The following ITGA9 variants were observed in gnomAD, a reference collection of about 807,000 sequenced individuals.
ITGA9 encodes the protein integrin alpha-9.
Under a neutral mutation model 127.8 loss-of-function variants are expected in ITGA9, and 56 were observed. The observed-to-expected ratio is 0.44, with a 90% CI of 0.35 to 0.55. The LOEUF (loss-of-function observed/expected upper bound fraction) is 0.55, where lower values mean the gene tolerates loss of function less well. ITGA9 is among the 20% of genes least tolerant of loss of function. ITGA9 has a pLI of 0.00. For missense variants in ITGA9, 1,196 were observed against 1,347.1 expected (o/e 0.89, Z 1.76); for synonymous variants, 508 against 514.5 (o/e 0.99, Z 0.17).
At chr3:37,594,996 A>G (rs1015773265) in intron 15 of ITGA9, among the ~76,000 whole-genome samples, 1 of 152,136 alleles carries the variant, frequency 6.6e-6, no homozygotes, top group Admixed American at 6.5e-5. Context: ...GTGAGTAGAA[A>G]CCAGAGTGGT....
intron 1 of ITGA9, among the ~76,000 whole-genome samples, chr3:37,460,361 A>G (rs1698303263): frequency 6.6e-6 from 1 of 152,248 alleles, no homozygotes; most frequent in South Asian, 2.1e-4. Flanking sequence ...AGTAAGAATG[A>G]GTAAGAACTA....
Position 37,503,114 on chromosome 3 carries a change from AT to A in ITGA9, c.613-62del, listed in dbSNP as rs1160580267. The A allele has an allele frequency of 1.2e-4, 197 of 1,592,646 alleles. 1 individual carries two copies. In the African/African-American group the frequency reaches 2.3e-3, roughly 19 times the overall value. ...CTCCTTTGTTGTGACTGTGGTTCTCATTGCATTCCCCTCCTCCCCTCCTCAC... is the reference window on the plus strand; with the variant it reads ...CTCCTTTGTTGTGACTGTGGTTCTCATGCATTCCCCTCCTCCCCTCCTCAC... On this transcript the variant is annotated intron_variant, in intron 5 of 27. Transcript: ENST00000264741.
chr3:37,752,567 A>G (rs1575221851), intron 23 of ITGA9, among the ~76,000 whole-genome samples: 1 of 152,176 alleles, frequency 6.6e-6, no homozygotes, highest in Non-Finnish European at 1.5e-5. Context: ...CCTCTCTAAC[A>G]GTGCCCTTGG....
At chr3:37,696,451 A>G (rs573391876) in intron 18 of ITGA9, among the ~76,000 whole-genome samples, 6 of 152,234 alleles carry the variant, frequency 3.9e-5, no homozygotes, top group Admixed American at 3.3e-4. Flanking sequence ...AGCCATTTCA[A>G]CGATGTTGTC....
At chr3:37,461,569 GT>G (rs1225156002) in intron 1 of ITGA9, among the ~76,000 whole-genome samples, 1 of 152,094 alleles carries the variant, frequency 6.6e-6, no homozygotes, top group Non-Finnish European at 1.5e-5. Context: ...GAGATGCTGA[GT>G]TTTCTTTCAG....
intron 21 of ITGA9, among the ~76,000 whole-genome samples, chr3:37,742,452 G>A (rs1198250205): frequency 1.3e-5 from 2 of 152,222 alleles, no homozygotes; most frequent in African/African-American, 4.8e-5. Context: ...ACCCTGGGCT[G>A]CAGTCTGTGG....
chr3:37,653,001 A>C (rs963024385), intron 16 of ITGA9, among the ~76,000 whole-genome samples: 2 of 152,220 alleles, frequency 1.3e-5, no homozygotes, highest in African/African-American at 4.8e-5. Flanking sequence ...AGGCCCAGGC[A>C]CAGCCAGCAA....
At chr3:37,608,212 A>G (rs1468983949) in intron 15 of ITGA9, among the ~76,000 whole-genome samples, 3 of 152,226 alleles carry the variant, frequency 2.0e-5, no homozygotes, top group Admixed American at 2.0e-4. Flanking sequence ...GTTAGGGAAG[A>G]TAGTGACTTA....
At chr3:37,553,658 A>T (rs1362608924) in intron 15 of ITGA9, among the ~76,000 whole-genome samples, 1 of 152,212 alleles carries the variant, frequency 6.6e-6, no homozygotes, top group African/African-American at 2.4e-5. Flanking sequence ...GAGAGAGGTG[A>T]TTATGAAAGT....
chr3:37,762,292 A>G (rs1319223184), intron 23 of ITGA9, among the ~76,000 whole-genome samples: 1 of 152,250 alleles, frequency 6.6e-6, no homozygotes, highest in Non-Finnish European at 1.5e-5. Flanking sequence ...AGATTTATTT[A>G]ACTTGTATAC....
chr3:37,778,565 C>T (rs958950642), intron 24 of ITGA9, among the ~76,000 whole-genome samples: 3 of 151,738 alleles, frequency 2.0e-5, no homozygotes, highest in Non-Finnish European at 4.4e-5. Flanking sequence ...TTGCAGTGAG[C>T]CAAGATCGTG....
chr3:37,767,675 A>G (rs1189767018), intron 23 of ITGA9, among the ~76,000 whole-genome samples: 1 of 152,188 alleles, frequency 6.6e-6, no homozygotes, highest in East Asian at 1.9e-4. Flanking sequence ...TGTTGTTGTG[A>G]TCATCAGACT....
In ITGA9 at chr3:37,819,146, C is replaced by A; in HGVS notation, c.*157C>A. On this transcript the variant is annotated 3_prime_UTR_variant, in exon 28 of 28. Coordinates refer to ENST00000264741, the MANE Select transcript of ITGA9 (RefSeq NM_002207.3). ...ATCAAGCCCAGGTGCCAGCCTGAGGCAGCCACTTCGGCCAGGTCACACGAC... is the reference window on the plus strand; with the variant it reads ...ATCAAGCCCAGGTGCCAGCCTGAGGAAGCCACTTCGGCCAGGTCACACGAC... The A allele has an allele frequency of 2.9e-6, 2 of 686,560 alleles. No homozygotes were observed. The highest frequency in any genetic ancestry group is 2.2e-5 in the Admixed American group (1 of 45,364). 42.5% of individuals were successfully genotyped at this position (686,560 alleles called of 1,614,324 possible).
At position 37,600,631 on chromosome 3, in the gene ITGA9, G is replaced by A. The variant is rs537819707; in HGVS notation, c.1690-28556G>A. On this transcript the variant is annotated intron_variant, in intron 15 of 27. Transcript: ENST00000264741. ...GACACTGTCACCTCCATCTCAAGAAGCCCTTACGGATGCCTCCCTTCCCTT... is the reference window on the plus strand; with the variant it reads ...GACACTGTCACCTCCATCTCAAGAAACCCTTACGGATGCCTCCCTTCCCTT... 1.2e-3 allele frequency among the ~76,000 whole-genome samples: 187 copies of A among 152,266 alleles called. 3 individuals are homozygous for A. The highest frequency in any genetic ancestry group is 4.1e-3 in the African/African-American group (170 of 41,550).
intron 15 of ITGA9, among the ~76,000 whole-genome samples, chr3:37,601,858 G>A (rs1340977546): frequency 6.6e-6 from 1 of 152,220 alleles, no homozygotes; most frequent in Non-Finnish European, 1.5e-5. Context: ...TCTGCAGGGT[G>A]TACAAGAAGC....
At chr3:37,689,981 A>G (rs1026948473) in intron 18 of ITGA9, among the ~76,000 whole-genome samples, 2 of 152,238 alleles carry the variant, frequency 1.3e-5, no homozygotes, top group Non-Finnish European at 2.9e-5. Flanking sequence ...TTAAAGCACA[A>G]GGTGCCAGCT....
intron 18 of ITGA9, among the ~76,000 whole-genome samples, chr3:37,692,634 T>C (rs1293340777): frequency 6.6e-6 from 1 of 152,220 alleles, no homozygotes; most frequent in African/African-American, 2.4e-5. Context: ...GTTGATTTTT[T>C]TTTTCCATTT....
chr3:37,775,950 G>C lies in ITGA9; in HGVS notation c.2542-1442G>C, dbSNP rs559884801. On this transcript the variant is annotated intron_variant, in intron 23 of 27. Transcript: ENST00000264741. ...TCAACCTAAATACCCATCAAAGACAGATTGGATAAAGAAAATGTTGTACAG... is the reference window on the plus strand; with the variant it reads ...TCAACCTAAATACCCATCAAAGACACATTGGATAAAGAAAATGTTGTACAG... 2.6e-5 allele frequency among the ~76,000 whole-genome samples: 4 copies of C among 152,306 alleles called. No homozygotes were observed. The East Asian group carries it at 7.7e-4, about 29-fold the overall frequency.
intron 23 of ITGA9, among the ~76,000 whole-genome samples, chr3:37,762,706 A>G (rs1178824970): frequency 6.6e-6 from 1 of 152,226 alleles, no homozygotes; most frequent in Non-Finnish European, 1.5e-5. Flanking sequence ...ATTTCAAACG[A>G]TGTCAAAGAA....
Sources: allele counts gnomAD v4.1 joint callset (sites outside exome capture counted in the v4.1 genomes callset), GRCh38; gene constraint gnomAD v4.1.1; transcripts MANE v1.5; gene names NCBI Gene and HGNC (gene_info 2026-07-23, HGNC 2026-07-21).